The following SLC44A1 variants were observed in gnomAD, a reference collection of about 807,000 sequenced individuals.
The protein encoded by SLC44A1 is solute carrier family 44 member 1.
A neutral mutation model predicts 79.3 loss-of-function variants in SLC44A1; 26 were observed. The ratio of observed to expected loss-of-function variants is 0.33; its 90% CI spans 0.24 to 0.46. The LOEUF is 0.46. Ranked by LOEUF, SLC44A1 falls within the 20% of genes least tolerant of loss-of-function variation. SLC44A1 has a pLI of 1.00. For synonymous variants in SLC44A1, 263 were observed against 286.2 expected (o/e 0.92, Z 0.82); for missense variants, 688 against 798.1 (o/e 0.86, Z 1.66).
chr9:105,328,808 TC>T (rs1035196066), intron 3 of SLC44A1, among the ~76,000 whole-genome samples: 2 of 152,188 alleles, frequency 1.3e-5, no homozygotes, highest in African/African-American at 4.8e-5. Context: ...TGGCACCTCT[TC>T]CTTAGGAGAT....
intron 4 of SLC44A1, among the ~76,000 whole-genome samples, chr9:105,344,703 A>G (rs1489395626): frequency 1.3e-5 from 2 of 152,210 alleles, no homozygotes; most frequent in African/African-American, 4.8e-5. Flanking sequence ...TCTATGTATC[A>G]GGAAATATAG....
intron 15 of SLC44A1, among the ~76,000 whole-genome samples, chr9:105,418,066 A>C (rs1260963824): frequency 6.6e-6 from 1 of 152,120 alleles, no homozygotes; most frequent in African/African-American, 2.4e-5. Context: ...CTGTAATCCC[A>C]GTACTCTGGG....
At chr9:105,251,055 A>C (rs1829573586) in intron 1 of SLC44A1, among the ~76,000 whole-genome samples, 1 of 152,114 alleles carries the variant, frequency 6.6e-6, no homozygotes, top group African/African-American at 2.4e-5. Flanking sequence ...GGCTTCAGTT[A>C]CAGTCTGTAT....
chr9:105,416,099 G>T (rs539580674), intron 15 of SLC44A1, among the ~76,000 whole-genome samples: 11 of 151,756 alleles, frequency 7.2e-5, no homozygotes, highest in Non-Finnish European at 1.5e-4. Context: ...GTTTCACCAT[G>T]TTGGCCAGGC....
intron 1 of SLC44A1, among the ~76,000 whole-genome samples, chr9:105,264,447 G>T (rs1170442853): frequency 6.6e-6 from 1 of 152,178 alleles, no homozygotes; most frequent in African/African-American, 2.4e-5. Flanking sequence ...GATTACAGGC[G>T]TGAGCCCTCG....
At chr9:105,307,247 T>A (rs1226808847) in intron 2 of SLC44A1, among the ~76,000 whole-genome samples, 1 of 152,200 alleles carries the variant, frequency 6.6e-6, no homozygotes. Flanking sequence ...TGTAATTAGA[T>A]CAAAATTACA....
At chr9:105,270,078 A>G (rs1286434430) in intron 1 of SLC44A1, among the ~76,000 whole-genome samples, 2 of 152,174 alleles carry the variant, frequency 1.3e-5, no homozygotes, top group Non-Finnish European at 2.9e-5. Context: ...ATTGAAAAAA[A>G]TATCTTTTCC....
chr9:105,244,786 G>T lies in SLC44A1; in HGVS notation c.-83G>T. On this transcript the variant is annotated 5_prime_UTR_variant, in exon 1 of 16. Coordinates refer to ENST00000374720, the MANE Select transcript of SLC44A1 (RefSeq NM_080546.5). Reference sequence around the variant, plus strand: ...TGCGGTGCCAGGCCGCGCCCTCCCCGGGCGCCCGCCGGCTCGCATGCCGAG... The same window carrying T: ...TGCGGTGCCAGGCCGCGCCCTCCCCTGGCGCCCGCCGGCTCGCATGCCGAG... 1.2e-6 allele frequency: 1 copy of T among 853,094 alleles called. No individual in the cohort carries two copies. The allele number at this position is 853,094 out of a possible 1,614,324, so 52.8% of individuals were successfully genotyped here.
chr9:105,426,525 T>C (rs1829324947), intron 15 of SLC44A1, among the ~76,000 whole-genome samples: 1 of 152,210 alleles, frequency 6.6e-6, no homozygotes, highest in African/African-American at 2.4e-5. Flanking sequence ...CAATTGCTAT[T>C]TCTTGAGCAG....
intron 3 of SLC44A1, among the ~76,000 whole-genome samples, chr9:105,334,792 CT>C (rs1826861171): frequency 6.6e-6 from 1 of 152,070 alleles, no homozygotes; most frequent in Non-Finnish European, 1.5e-5. Context: ...TTAATCTTCC[CT>C]TTTCTAAAAT....
At chr9:105,318,618 A>C (rs555847688) in intron 3 of SLC44A1, among the ~76,000 whole-genome samples, 1 of 152,230 alleles carries the variant, frequency 6.6e-6, no homozygotes, top group Non-Finnish European at 1.5e-5. Context: ...CTTAAGCCTA[A>C]ATTTTTAAAC....
rs1043099606 is a variant in SLC44A1 at position 105,396,528 on chromosome 9, G to C, written c.*7472G>C. The C allele has an allele frequency of 2.0e-6, 2 of 985,418 alleles. No homozygotes were observed. The highest frequency in any genetic ancestry group is 2.4e-6 in the Non-Finnish European group (2 of 829,930). 61.0% of individuals were successfully genotyped at this position (985,418 alleles called of 1,614,324 possible). On this transcript the variant is annotated 3_prime_UTR_variant, in exon 16 of 16. Coordinates refer to ENST00000374720, the MANE Select transcript of SLC44A1 (RefSeq NM_080546.5). ...ATAAGGCGGCCAAATTTAAAGATCAGTCAATACAGTAGGGACCTGCTATTG... is the reference window on the plus strand; with the variant it reads ...ATAAGGCGGCCAAATTTAAAGATCACTCAATACAGTAGGGACCTGCTATTG...
At chr9:105,324,268 A>T (rs868380783) in intron 3 of SLC44A1, among the ~76,000 whole-genome samples, 75 of 140,432 alleles carry the variant, frequency 5.3e-4, no homozygotes, top group South Asian at 2.0e-3. Flanking sequence ...TTTTTTTTTT[A>T]AAGACAGAGT....
At chr9:105,355,617 T>A (rs1234134095) in intron 5 of SLC44A1, among the ~76,000 whole-genome samples, 1 of 152,246 alleles carries the variant, frequency 6.6e-6, no homozygotes, top group African/African-American at 2.4e-5. Context: ...CTGTTTTAAA[T>A]AGCTGCCTAT....
chr9:105,362,805 C>T lies in SLC44A1; in HGVS notation c.901-16C>T. 2.0e-6 allele frequency: 3 copies of T among 1,515,554 alleles called. No individual in the cohort carries two copies. Among genetic ancestry groups the T allele is most frequent in the South Asian group, 1.3e-5 (1 of 75,648 alleles). 93.9% of individuals were successfully genotyped at this position (1,515,554 alleles called of 1,614,324 possible). Reference sequence around the variant, plus strand: ...CACTACTTATAATAATAACTGAAACCATTCTCTCCATACAGGTGATCTTAT... The same window carrying T: ...CACTACTTATAATAATAACTGAAACTATTCTCTCCATACAGGTGATCTTAT... On this transcript the variant is annotated splice_polypyrimidine_tract_variant and intron_variant, in intron 8 of 15. Coordinates refer to ENST00000374720, the MANE Select transcript of SLC44A1 (RefSeq NM_080546.5).
chr9:105,361,603 A>G (rs1827782432), intron 8 of SLC44A1, among the ~76,000 whole-genome samples: 1 of 152,238 alleles, frequency 6.6e-6, no homozygotes, highest in Admixed American at 6.5e-5. Context: ...TTACAAGAAC[A>G]TATTTCTTAT....
At position 105,320,292 on chromosome 9, in the gene SLC44A1, C is replaced by CTTT. The variant is rs34573916; in HGVS notation, c.269+10445_269+10447dup. On this transcript the variant is annotated intron_variant, in intron 3 of 15. Coordinates refer to ENST00000374720, the MANE Select transcript of SLC44A1 (RefSeq NM_080546.5). ...CCATTTGGGTTATTTCAATATTTAACTTTTTTTTTTTTTTTTTTTTTACTA... is the reference window on the plus strand; with the variant it reads ...CCATTTGGGTTATTTCAATATTTAACTTTTTTTTTTTTTTTTTTTTTTTTACTA... 4.2e-4 allele frequency among the ~76,000 whole-genome samples: 50 copies of CTTT among 119,080 alleles called. 1 individual carries two copies. The South Asian group carries it at 8.7e-3, about 21-fold the overall frequency. 78.1% of individuals were successfully genotyped at this position (119,080 alleles called of 152,430 possible). A position where few individuals can be genotyped will look rare whatever the true frequency, so the allele number is the denominator to read the frequency against.
rs1026394305 is a variant in SLC44A1, at chr9:105,387,131, G to A, written c.1950+1629G>A. ...AAGGAAATAGGTTTATTTTTGGAGG[G>A]AGGCAGGGAGGCTATATGTATATTC... On this transcript the variant is annotated intron_variant, in intron 15 of 15. Transcript: ENST00000374720. 2.1e-5 allele frequency among the ~76,000 whole-genome samples: 3 copies of A among 144,962 alleles called. No individual in the cohort carries two copies. In the Admixed American group the frequency reaches 2.1e-4, roughly 10 times the overall value.
Position 105,381,369 on chromosome 9 carries a change from G to A in SLC44A1, c.1633-1754G>A, listed in dbSNP as rs545504325. Among the ~76,000 whole-genome samples the A allele has an allele frequency of 4.6e-5, 7 of 151,192 alleles. No individual in the cohort carries two copies. In the South Asian group the frequency reaches 1.5e-3, roughly 32 times the overall value. ...AGCCTGGCCAACATGGTGAAACCCT[G>A]TCTCTACTAAAAAATACAAAAAAAA... On this transcript the variant is annotated intron_variant, in intron 13 of 15. Coordinates refer to ENST00000374720, the MANE Select transcript of SLC44A1 (RefSeq NM_080546.5).
Sources: allele counts gnomAD v4.1 joint callset (sites outside exome capture counted in the v4.1 genomes callset), GRCh38; gene constraint gnomAD v4.1.1; transcripts MANE v1.5; gene names NCBI Gene and HGNC (gene_info 2026-07-23, HGNC 2026-07-21).